The following KIF20B variants were observed in gnomAD, a reference collection of about 807,000 sequenced individuals.
KIF20B encodes the protein kinesin-like protein KIF20B.
A neutral mutation model predicts 232.5 loss-of-function variants in KIF20B; 188 were observed. That is an observed-to-expected ratio of 0.81 (90% confidence interval 0.72 to 0.91). The LOEUF (loss-of-function observed/expected upper bound fraction) is 0.91. Among genes scored for constraint, KIF20B ranks in the 40% least tolerant of loss-of-function variants. The probability of loss-of-function intolerance (pLI) is 0.00; values close to 1 mark genes in which losing one functional copy is unlikely to be tolerated. For synonymous variants in KIF20B, 712 were observed against 683.0 expected (o/e 1.04, Z -0.66); for missense variants, 2,154 against 2,055.9 (o/e 1.05, Z -0.92).
chr10:89,719,284 C>G, intron 12 of KIF20B, 135 bp from the exon 13 acceptor site: 3 of 609,538 alleles, frequency 4.9e-6, no homozygotes, highest in South Asian at 5.8e-5. Context: ...ATGGTGATTC[C>G]TGTTTGTATG....
intron 2 of KIF20B, among the ~76,000 whole-genome samples, chr10:89,707,273 G>A (rs968225811): frequency 1.3e-5 from 2 of 152,158 alleles, no homozygotes; most frequent in African/African-American, 4.8e-5. Flanking sequence ...CTACAGTCAA[G>A]ATAGTGAGTA....
At chr10:89,732,159 C>G (rs1297506197) in intron 18 of KIF20B, among the ~76,000 whole-genome samples, 12 of 150,760 alleles carry the variant, frequency 8.0e-5, no homozygotes, top group Middle Eastern at 6.8e-3. Flanking sequence ...GGTCTCATCA[C>G]TCTGTTGCCC....
chr10:89,721,351 A>T (rs927196039), intron 13 of KIF20B, among the ~76,000 whole-genome samples: 2 of 152,064 alleles, frequency 1.3e-5, no homozygotes, highest in African/African-American at 4.8e-5. Context: ...ATTAAATAGT[A>T]CCTCCTCAGT....
chr10:89,732,111 T>G (rs1169518879), intron 18 of KIF20B, among the ~76,000 whole-genome samples: 1 of 144,782 alleles, frequency 6.9e-6, no homozygotes, highest in African/African-American at 2.7e-5. Flanking sequence ...GTTCCCCCCC[T>G]CTCTCAGCTC....
At position 89,726,504 on chromosome 10, in the gene KIF20B, T is replaced by TA. The variant is rs766362670; in HGVS notation, c.2219dup (p.Arg741GlufsTer4). 1.4e-5 allele frequency: 22 copies of TA among 1,589,828 alleles called. No individual in the cohort carries two copies. The highest frequency in any genetic ancestry group is 1.6e-5 in the Non-Finnish European group (19 of 1,167,832). On this transcript the variant is annotated frameshift_variant, in exon 16 of 33. Coordinates refer to ENST00000371728, the MANE Select transcript of KIF20B (RefSeq NM_001284259.2). LOFTEE classifies it high-confidence loss of function. ...GAATTAATCAAAACCAAAGAAGAGT[T>TA]AAAAAAGAGAGAAAATGGTAAGTGG...
chr10:89,733,192 T>A (rs1843367847), intron 19 of KIF20B, 136 bp downstream of exon 19: 1 of 833,646 alleles, frequency 1.2e-6, no homozygotes. Flanking sequence ...GAATTTTTAT[T>A]CTGGAAAGTT....
intron 22 of KIF20B, 151 bp downstream of exon 22, chr10:89,744,078 GA>G (rs756146879): frequency 2.0e-3 from 1,021 of 505,224 alleles, no homozygotes; most frequent in East Asian, 2.7e-3. Flanking sequence ...AGGCAAAAAA[GA>G]AAAAAAAAAG....
intron 31 of KIF20B, among the ~76,000 whole-genome samples, chr10:89,771,881 G>T (rs1157574419): frequency 1.3e-5 from 2 of 151,868 alleles, no homozygotes; most frequent in African/African-American, 4.8e-5. Context: ...TTAGTCTCTC[G>T]CATATACTGT....
chr10:89,748,122 G>A (rs763330842), intron 23 of KIF20B, among the ~76,000 whole-genome samples: 3 of 152,196 alleles, frequency 2.0e-5, no homozygotes, highest in Non-Finnish European at 4.4e-5. Flanking sequence ...TGATTCTCCT[G>A]CCTCAGCCTC....
At chr10:89,729,021 C>A in intron 17 of KIF20B, 107 bp from the exon 18 acceptor site, 3 of 1,025,272 alleles carry the variant, frequency 2.9e-6, no homozygotes, top group East Asian at 5.1e-5. Context: ...CTTTATTTAA[C>A]TTTAAAATTT....
chr10:89,724,880 G>T, intron 14 of KIF20B, 140 bp from the exon 15 acceptor site: 1 of 740,150 alleles, frequency 1.4e-6, no homozygotes, highest in Non-Finnish European at 2.1e-6. Flanking sequence ...CTCCCAAATT[G>T]CTGGGATTAC....
Position 89,732,915 on chromosome 10 carries a change from A to T in KIF20B, c.2404A>T (p.Thr802Ser), listed in dbSNP as rs1482266620. 6.3e-7 allele frequency: 1 copy of T among 1,596,986 alleles called. No homozygotes were observed. Among genetic ancestry groups the T allele is most frequent in the Non-Finnish European group, 8.5e-7 (1 of 1,170,960 alleles). Residue 802 changes from threonine to serine, a missense_variant, in exon 19 of 33, where the codon ACA becomes TCA. Physicochemically the swap from Thr to Ser is moderately conservative, Grantham distance 58. Coordinates refer to ENST00000371728, the MANE Select transcript of KIF20B (RefSeq NM_001284259.2). ...TATTTTGCTTTAGGACAAGGCTGAT[A>T]CATCTTCTTTAATAATAAACAATAA... is the stretch of plus-strand genomic sequence containing the variant. ...NTFKCNDKADTSSLIINNKLI... is the reference protein window; with the variant it reads ...NTFKCNDKADSSSLIINNKLI...
rs373598925 is a variant in KIF20B at position 89,772,345 on chromosome 10, A to G, written c.5243-344A>G. 7.2e-5 allele frequency among the ~76,000 whole-genome samples: 11 copies of G among 152,206 alleles called. No individual in the cohort carries two copies. The East Asian group carries it at 2.1e-3, about 29-fold the overall frequency. ...TCTACCACCTTATTTTTAATGCTGC[A>G]TGATCCACTATGTATATATCCTGCT... On this transcript the variant is annotated intron_variant, in intron 31 of 32. Transcript: ENST00000371728.
At chr10:89,737,012 A>C (rs1054915756) in intron 19 of KIF20B, among the ~76,000 whole-genome samples, 1 of 152,092 alleles carries the variant, frequency 6.6e-6, no homozygotes, top group Non-Finnish European at 1.5e-5. Flanking sequence ...ATGTCTGCCT[A>C]GGGTTTCTCG....
rs746427013 is a variant in KIF20B at position 89,719,574 on chromosome 10, G to A, written c.1590G>A (p.Met530Ile). 3.3e-5 allele frequency: 54 copies of A among 1,613,434 alleles called. No homozygotes were observed. Among genetic ancestry groups the A allele is most frequent in the Non-Finnish European group, 4.3e-5 (51 of 1,179,726 alleles). Residue 530 changes from methionine (M) to isoleucine (I), a missense_variant, in exon 13 of 33, where the codon ATG becomes ATA. Physicochemically the swap from Met to Ile is conservative, Grantham distance 10 (BLOSUM62 1). Transcript: ENST00000371728. ...ISWENSLEDL[M>I]EDEDLVEELE... ...GGGAAAATAGTCTAGAAGATTTGAT[G>A]GAAGACGAGGATTTGGTTGAGGAGC...
Position 89,726,321 on chromosome 10 carries a change from A to T in KIF20B, c.2030A>T (p.Asp677Val). The change falls in exon 16 of 33, where the codon GAT becomes GTT. Residue 677 changes from aspartate to valine, a missense_variant. By Grantham distance (152) the Asp-to-Val change is radical (BLOSUM62 -3). Coordinates refer to ENST00000371728, the MANE Select transcript of KIF20B (RefSeq NM_001284259.2). ...EETHNYVGFE[D>V]IIDSLQDNVA... Reference sequence around the variant, plus strand: ...ACACATAATTATGTAGGATTTGAAGATATTATTGATTCTCTTCAAGATAAT... The same window carrying T: ...ACACATAATTATGTAGGATTTGAAGTTATTATTGATTCTCTTCAAGATAAT... The T allele has an allele frequency of 1.3e-6, 2 of 1,549,734 alleles. No individual in the cohort carries two copies. Among genetic ancestry groups the T allele is most frequent in the East Asian group, 2.5e-5 (1 of 40,810 alleles).
chr10:89,745,211 A>G (rs900507585), intron 22 of KIF20B, among the ~76,000 whole-genome samples: 15 of 152,190 alleles, frequency 9.9e-5, no homozygotes, highest in African/African-American at 3.6e-4. Context: ...AGTAAGTAAA[A>G]TAACCGGGTC....
At chr10:89,717,750 A>G in intron 11 of KIF20B, 28 bp downstream of exon 11, 1 of 1,471,118 alleles carries the variant, frequency 6.8e-7, no homozygotes, top group Non-Finnish European at 9.2e-7. Flanking sequence ...TGTTATTAGC[A>G]TATTAAATAT....
intron 1 of KIF20B, among the ~76,000 whole-genome samples, chr10:89,702,592 A>C (rs1159557653): frequency 6.6e-6 from 1 of 152,204 alleles, no homozygotes; most frequent in African/African-American, 2.4e-5. Context: ...CAGAAACCTC[A>C]TTCAGCAACA....
Sources: gnomAD v4.1 joint callset for allele counts (sites outside exome capture counted in the v4.1 genomes callset) on GRCh38, gnomAD v4.1.1 for gene constraint, MANE v1.5 for transcripts, NCBI Gene and HGNC (gene_info 2026-07-23, HGNC 2026-07-21) for gene names.